Variants in ACOXL observed in about 807,000 individuals in gnomAD.
The protein encoded by ACOXL is acyl-CoA oxidase like.
In ACOXL, 70 loss-of-function variants were observed where a neutral mutation model predicts 71.9. The observed-to-expected ratio is 0.97, with a 90% CI of 0.80 to 1.19. The LOEUF (loss-of-function observed/expected upper bound fraction) is 1.19. ACOXL is among the 50% of genes most tolerant of loss of function. The pLI, the probability that ACOXL is intolerant of heterozygous loss-of-function variation, is 0.00. For synonymous variants in ACOXL, 253 were observed against 281.6 expected (o/e 0.90, Z 1.02); for missense variants, 703 against 736.3 (o/e 0.95, Z 0.52).
At chr2:110,886,842 G>A (rs751145483) in intron 10 of ACOXL, 1 of 1,550,974 alleles carries the variant, frequency 6.4e-7, no homozygotes, top group Admixed American at 2.0e-5. Flanking sequence ...AGCCCCTCTT[G>A]TGGACCAGGC....
At chr2:110,955,562 G>A (rs968383571) in intron 12 of ACOXL, among the ~76,000 whole-genome samples, 1 of 151,796 alleles carries the variant, frequency 6.6e-6, no homozygotes, top group Non-Finnish European at 1.5e-5. Context: ...ACTTTACATT[G>A]CACCTAAACT....
At chr2:110,738,747 T>C (rs1404918215) in intron 1 of ACOXL, among the ~76,000 whole-genome samples, 1 of 152,206 alleles carries the variant, frequency 6.6e-6, no homozygotes, top group African/African-American at 2.4e-5. Flanking sequence ...TTCAGTTATC[T>C]GTACTGTTCT....
chr2:110,986,409 G>A lies in ACOXL; in HGVS notation c.1060-699G>A, dbSNP rs117176394. Among the ~76,000 whole-genome samples, 393 of 152,266 alleles carry A rather than the reference G, an allele frequency of 2.6e-3. 9 individuals carry two copies. In the East Asian group the frequency reaches 0.049, roughly 19 times the overall value. On this transcript the variant is annotated intron_variant, in intron 12 of 17. Coordinates refer to ENST00000439055, the MANE Select transcript of ACOXL (RefSeq NM_001142807.4). The stretch of plus-strand genomic sequence containing the variant: ...CATGATTCTGTAGGTCAGCAGTTTG[G>A]GCTAAGCTCACACGACGTGGTTTTT...
intron 10 of ACOXL, among the ~76,000 whole-genome samples, chr2:110,877,230 G>C (rs1219799141): frequency 6.6e-6 from 1 of 152,236 alleles, no homozygotes; most frequent in Non-Finnish European, 1.5e-5. Flanking sequence ...AGAGGGTCGT[G>C]CTGGCTGCCT....
chr2:110,817,130 A>T (rs992744449), intron 9 of ACOXL, among the ~76,000 whole-genome samples: 1 of 152,234 alleles, frequency 6.6e-6, no homozygotes, highest in African/African-American at 2.4e-5. Flanking sequence ...CACCCAGCCC[A>T]TCACAAGCAT....
chr2:111,022,028 G>GA (rs1249931153), intron 14 of ACOXL, among the ~76,000 whole-genome samples: 1 of 152,068 alleles, frequency 6.6e-6, no homozygotes, highest in Non-Finnish European at 1.5e-5. Flanking sequence ...ATACAGAATA[G>GA]AAAAAATTGT....
At chr2:110,735,762 G>A (rs1440329910) in intron 1 of ACOXL, among the ~76,000 whole-genome samples, 3 of 152,218 alleles carry the variant, frequency 2.0e-5, no homozygotes, top group Admixed American at 6.5e-5. Flanking sequence ...GACAGCAGGA[G>A]CATTCTGGGT....
At position 111,041,206 on chromosome 2, in the gene ACOXL, C is replaced by T. The variant is rs530947801; in HGVS notation, c.1370-8012C>T. On this transcript the variant is annotated intron_variant, in intron 15 of 17. Transcript: ENST00000439055. The stretch of plus-strand genomic sequence containing the variant: ...CCACACATGCAGATGCCGAGACAGG[C>T]GCGTGGCAGAGAGGACTGCAGGGCC... Among the ~76,000 whole-genome samples the T allele has an allele frequency of 2.6e-5, 4 of 152,192 alleles. No individual in the cohort carries two copies. In the East Asian group the frequency reaches 5.8e-4, roughly 22 times the overall value.
intron 17 of ACOXL, among the ~76,000 whole-genome samples, chr2:111,105,660 A>G (rs2069488585): frequency 1.3e-5 from 2 of 152,096 alleles, no homozygotes; most frequent in African/African-American, 4.8e-5. Context: ...TATGTTTTAT[A>G]TATTTTATAT....
At chr2:110,879,639 G>A (rs1696371103) in intron 10 of ACOXL, among the ~76,000 whole-genome samples, 1 of 152,174 alleles carries the variant, frequency 6.6e-6, no homozygotes, top group African/African-American at 2.4e-5. Context: ...GGTATTGACT[G>A]ATTTGTGGGA....
At chr2:110,849,505 C>G (rs950837496) in intron 10 of ACOXL, among the ~76,000 whole-genome samples, 3 of 152,198 alleles carry the variant, frequency 2.0e-5, no homozygotes, top group African/African-American at 7.2e-5. Flanking sequence ...CGCCTGTAAT[C>G]CCAGCACTTT....
intron 9 of ACOXL, among the ~76,000 whole-genome samples, chr2:110,806,938 G>T (rs1289483265): frequency 1.3e-5 from 2 of 152,028 alleles, no homozygotes; most frequent in African/African-American, 2.4e-5. Context: ...GGAGGGCCTT[G>T]GTTTTAAATA....
chr2:111,039,555 T>G (rs2065678187), intron 15 of ACOXL, among the ~76,000 whole-genome samples: 1 of 152,252 alleles, frequency 6.6e-6, no homozygotes. Context: ...CACCTTTGTC[T>G]ACTGACACGT....
intron 1 of ACOXL, among the ~76,000 whole-genome samples, chr2:110,759,090 TC>T (rs1344186389): frequency 6.6e-6 from 1 of 152,238 alleles, no homozygotes; most frequent in East Asian, 1.9e-4. Flanking sequence ...GTATTTTACT[TC>T]CAATTGTGTG....
At chr2:111,042,788 C>CTGGCTTCGGGGGATGCGGTGCT (rs1317392767) in intron 15 of ACOXL, among the ~76,000 whole-genome samples, 3 of 152,142 alleles carry the variant, frequency 2.0e-5, no homozygotes, top group African/African-American at 7.2e-5. Context: ...GGAAAGTTTC[C>CTGGCTTCGGGGGATGCGGTGCT]TGGCTTCGGG....
chr2:110,987,923 T>A (rs1176605986), intron 13 of ACOXL, among the ~76,000 whole-genome samples: 1 of 152,150 alleles, frequency 6.6e-6, no homozygotes, highest in East Asian at 1.9e-4. Context: ...TTCTGGGGGA[T>A]GTGCACAAGA....
chr2:111,097,775 T>C (rs149398580), intron 17 of ACOXL, among the ~76,000 whole-genome samples: 1 of 152,322 alleles, frequency 6.6e-6, no homozygotes, highest in Non-Finnish European at 1.5e-5. Flanking sequence ...AAGTATATAG[T>C]AATTAAGCCC....
chr2:110,998,534 G>A (rs926054781), intron 14 of ACOXL, among the ~76,000 whole-genome samples: 8 of 152,194 alleles, frequency 5.3e-5, no homozygotes, highest in South Asian at 2.1e-4. Context: ...GAATTTCTCC[G>A]GGATTGCTTC....
At chr2:110,808,893 C>T (rs1322330267) in intron 9 of ACOXL, among the ~76,000 whole-genome samples, 2 of 152,194 alleles carry the variant, frequency 1.3e-5, no homozygotes, top group Non-Finnish European at 2.9e-5. Context: ...CAGCTGGGGC[C>T]CTGCCAGCCT....
Sources: gnomAD v4.1 joint callset for allele counts (sites outside exome capture counted in the v4.1 genomes callset) on GRCh38, gnomAD v4.1.1 for gene constraint, MANE v1.5 for transcripts, NCBI Gene and HGNC (gene_info 2026-07-23, HGNC 2026-07-21) for gene names.